Variants in SYT16 observed in about 807,000 individuals in gnomAD.
SYT16 encodes synaptotagmin 16.
SYT16 carries 42 observed loss-of-function variants against 61.4 expected under a neutral mutation model. That is an observed-to-expected ratio of 0.68 (90% CI 0.53 to 0.89). The LOEUF (loss-of-function observed/expected upper bound fraction) is 0.89. SYT16 is among the 40% of genes least tolerant of loss of function. SYT16 has a pLI of 0.00. For synonymous variants in SYT16, 314 were observed against 302.3 expected, an observed-to-expected ratio of 1.04 and a Z score of -0.40; for missense variants, 804 against 807.3, an observed-to-expected ratio of 1.00 and a Z score of 0.05.
At chr14:61,820,940 T>A (rs2045601892) in intron 1 of SYT16, among the ~76,000 whole-genome samples, 1 of 152,230 alleles carries the variant, frequency 6.6e-6, no homozygotes, top group African/African-American at 2.4e-5. Flanking sequence ...AGCCTTTCTC[T>A]GTCTCAGACA....
At chr14:61,843,617 G>A (rs571729671) in intron 1 of SYT16, among the ~76,000 whole-genome samples, 2 of 152,260 alleles carry the variant, frequency 1.3e-5, no homozygotes, top group African/African-American at 4.8e-5. Context: ...TCATTCTTCT[G>A]CATATGGATT....
intron 1 of SYT16, among the ~76,000 whole-genome samples, chr14:61,949,813 G>T (rs909079248): frequency 3.3e-5 from 5 of 152,162 alleles, no homozygotes; most frequent in Admixed American, 6.5e-5. Context: ...GGTGAGGGTA[G>T]CTCCGTACCC....
chr14:61,891,561 C>G (rs992703066), intron 1 of SYT16, among the ~76,000 whole-genome samples: 10 of 152,194 alleles, frequency 6.6e-5, no homozygotes, highest in African/African-American at 2.2e-4. Flanking sequence ...GAGGGACCAA[C>G]AGCTGGGACC....
At chr14:62,040,363 C>T (rs115328651) in intron 3 of SYT16, among the ~76,000 whole-genome samples, 2,177 of 152,308 alleles carry the variant, frequency 0.014, 54 homozygotes, top group African/African-American at 0.049. Context: ...TGCTACAACA[C>T]ATACATACAA....
chr14:61,899,260 G>C (rs995215403), intron 1 of SYT16, among the ~76,000 whole-genome samples: 3 of 152,060 alleles, frequency 2.0e-5, no homozygotes, highest in African/African-American at 4.8e-5. Context: ...TATGACTTCA[G>C]AGTCCCATTT....
At chr14:62,029,085 C>T (rs2054209843) in intron 3 of SYT16, among the ~76,000 whole-genome samples, 1 of 152,146 alleles carries the variant, frequency 6.6e-6, no homozygotes, top group Admixed American at 6.5e-5. Flanking sequence ...GAGTGGTTCC[C>T]ATAGGGCCAG....
intron 1 of SYT16, among the ~76,000 whole-genome samples, chr14:61,916,105 T>C (rs2049110959): frequency 6.6e-6 from 1 of 152,196 alleles, no homozygotes; most frequent in Non-Finnish European, 1.5e-5. Context: ...GCAAAGTTGC[T>C]TAAATACTAA....
At position 62,105,072 on chromosome 14, in the gene SYT16, G is replaced by A. The variant is rs955857883; in HGVS notation, c.*4365G>A. On this transcript the variant is annotated 3_prime_UTR_variant, in exon 8 of 8. Transcript: ENST00000683842. ...CAGGCTGGATTCGTAAATAAAGGAG[G>A]CTTCATCAGGACAGCCTAATCAGAG... is the stretch of plus-strand genomic sequence containing the variant. The A allele has an allele frequency of 6.6e-6, 1 of 152,198 alleles. No individual in the cohort carries two copies. Among genetic ancestry groups the A allele is most frequent in the East Asian group, 1.9e-4 (1 of 5,198 alleles). The allele number at this position is 152,198 out of a possible 1,614,324, so 9.4% of individuals were successfully genotyped here.
intron 5 of SYT16, among the ~76,000 whole-genome samples, chr14:62,075,700 A>G (rs1257913604): frequency 6.6e-6 from 1 of 151,682 alleles, no homozygotes; most frequent in African/African-American, 2.4e-5. Flanking sequence ...AAGGCTTTTT[A>G]TAGACTTAAT....
intron 3 of SYT16, among the ~76,000 whole-genome samples, chr14:62,031,461 G>A (rs560943030): frequency 6.6e-6 from 1 of 152,270 alleles, no homozygotes; most frequent in South Asian, 2.1e-4. Context: ...TAATCTATGT[G>A]AACAGGTAGT....
chr14:62,054,436 C>T (rs2055454049), intron 3 of SYT16, among the ~76,000 whole-genome samples: 2 of 149,184 alleles, frequency 1.3e-5, no homozygotes, highest in Non-Finnish European at 3.0e-5. Flanking sequence ...TCATGGCTCA[C>T]TGCAGCCTCA....
At chr14:61,893,266 TG>T (rs1487956942) in intron 1 of SYT16, among the ~76,000 whole-genome samples, 5 of 152,270 alleles carry the variant, frequency 3.3e-5, no homozygotes, top group Non-Finnish European at 7.3e-5. Context: ...GACAAGCAGC[TG>T]GTACTAAACC....
Position 62,014,239 on chromosome 14 carries a change from A to G in SYT16, c.523+17697A>G, listed in dbSNP as rs547893441. On this transcript the variant is annotated intron_variant, in intron 3 of 7. Transcript: ENST00000683842. ...TGACAGATATCACATACATGTTTAAAAACATAACTAATCATCTTCCTTTCT... is the reference window on the plus strand; with the variant it reads ...TGACAGATATCACATACATGTTTAAGAACATAACTAATCATCTTCCTTTCT... 2.0e-5 allele frequency among the ~76,000 whole-genome samples: 3 copies of G among 152,306 alleles called. No homozygotes were observed. The East Asian group carries it at 5.8e-4, about 29-fold the overall frequency.
intron 1 of SYT16, among the ~76,000 whole-genome samples, chr14:61,851,598 C>G (rs1326478180): frequency 2.6e-5 from 4 of 152,124 alleles, no homozygotes; most frequent in Non-Finnish European, 5.9e-5. Flanking sequence ...TTAATAACAG[C>G]CATTCTGACT....
At chr14:61,899,487 T>C (rs1314940913) in intron 1 of SYT16, among the ~76,000 whole-genome samples, 1 of 152,264 alleles carries the variant, frequency 6.6e-6, no homozygotes, top group Non-Finnish European at 1.5e-5. Context: ...ACATTTGTTC[T>C]TAACACATGG....
intron 7 of SYT16, among the ~76,000 whole-genome samples, chr14:62,095,653 T>G (rs1452868642): frequency 6.6e-6 from 1 of 151,926 alleles, no homozygotes; most frequent in Non-Finnish European, 1.5e-5. Flanking sequence ...AGCAAGAATA[T>G]TCCATATTGT....
At chr14:62,070,379 C>T (rs1310451460) in intron 4 of SYT16, among the ~76,000 whole-genome samples, 1 of 152,176 alleles carries the variant, frequency 6.6e-6, no homozygotes, top group African/African-American at 2.4e-5. Flanking sequence ...TCCTTACTCT[C>T]AGTCCCTGTA....
At chr14:61,996,858 G>A (rs919485701) in intron 3 of SYT16, among the ~76,000 whole-genome samples, 1 of 151,948 alleles carries the variant, frequency 6.6e-6, no homozygotes, top group Non-Finnish European at 1.5e-5. Flanking sequence ...CTTGCAAAAT[G>A]TTCTTTTTTT....
chr14:61,952,389 A>T lies in SYT16; in HGVS notation c.-324-17743A>T, dbSNP rs574943149. Among the ~76,000 whole-genome samples, 11 of 152,352 alleles carry T rather than the reference A, an allele frequency of 7.2e-5. No individual in the cohort carries two copies. In the South Asian group the frequency reaches 2.3e-3, roughly 32 times the overall value. Reference sequence around the variant, plus strand: ...AACTCAGACAAGTGAGGAAAGTCTCAGAGATTCACTCCATGGACTATTGGT... The same window carrying T: ...AACTCAGACAAGTGAGGAAAGTCTCTGAGATTCACTCCATGGACTATTGGT... On this transcript the variant is annotated intron_variant, in intron 1 of 7. Transcript: ENST00000683842.
Sources: allele counts gnomAD v4.1 joint callset (sites outside exome capture counted in the v4.1 genomes callset), GRCh38; gene constraint gnomAD v4.1.1; transcripts MANE v1.5; gene names NCBI Gene and HGNC (gene_info 2026-07-23, HGNC 2026-07-21).